Variants in NUDCD1 observed in about 807,000 individuals in gnomAD.
The protein encoded by NUDCD1 is NudC domain containing 1, also known as nudC domain-containing protein 1.
In NUDCD1, 60 loss-of-function variants were observed where a neutral mutation model predicts 67.8. The observed-to-expected ratio is 0.88, with a 90% CI of 0.72 to 1.10. NUDCD1 has a LOEUF of 1.10. Among genes scored for constraint, NUDCD1 ranks in the 50% least tolerant of loss-of-function variants. NUDCD1 has a pLI of 0.00. For missense variants in NUDCD1, 643 were observed against 695.0 expected (o/e 0.93, Z 0.84); for synonymous variants, 244 against 230.8 (o/e 1.06, Z -0.52).
rs374422259 is a variant in NUDCD1, at chr8:109,293,354, C to G, written c.630G>C (p.Lys210Asn). ...AGACTTTTGTTTTACCTTGATTTTTCTTACTGATAGTGACCCACTCCAGAG... is the reference window on the plus strand; with the variant it reads ...AGACTTTTGTTTTACCTTGATTTTTGTTACTGATAGTGACCCACTCCAGAG... ...YVSLEWVTIS[K>N]KNQDNKKYEI... Residue 210 changes from lysine to asparagine, a missense_variant, in exon 4 of 10, where the codon AAG becomes AAC. Coordinates refer to ENST00000239690, the MANE Select transcript of NUDCD1 (RefSeq NM_032869.4). 7 of 1,541,426 alleles carry G rather than the reference C, an allele frequency of 4.5e-6. No homozygotes were observed. In the African/African-American group the frequency reaches 9.9e-5, roughly 22 times the overall value.
chr8:109,328,314 C>A (rs1193092753), intron 1 of NUDCD1, among the ~76,000 whole-genome samples: 1 of 152,110 alleles, frequency 6.6e-6, no homozygotes, highest in Non-Finnish European at 1.5e-5. Flanking sequence ...TTTTCTTCCC[C>A]CTTCTCTGAA....
chr8:109,311,736 A>G (rs1054815277), intron 2 of NUDCD1, among the ~76,000 whole-genome samples: 9 of 151,904 alleles, frequency 5.9e-5, no homozygotes, highest in African/African-American at 1.9e-4. Context: ...ATGCAAAAGC[A>G]TAAGAATGAC....
chr8:109,255,156 G>A (rs1444411258), intron 8 of NUDCD1, among the ~76,000 whole-genome samples: 5 of 152,042 alleles, frequency 3.3e-5, no homozygotes, highest in South Asian at 2.1e-4. Flanking sequence ...ATTTTATAGC[G>A]ACTATTAACC....
intron 2 of NUDCD1, among the ~76,000 whole-genome samples, chr8:109,308,800 T>C (rs113956279): frequency 0.21 from 32,591 of 151,698 alleles, 5,808 homozygotes; most frequent in African/African-American, 0.49. Context: ...TGAAACCCAG[T>C]CTCTACTAAA....
chr8:109,281,042 G>A lies in NUDCD1; in HGVS notation c.954C>T (p.His318=). 1 of 1,612,100 alleles carries A rather than the reference G, an allele frequency of 6.2e-7. No homozygotes were observed. ...AATAGAGTTTTCCTTCTAAAAACTG[G>A]TGATCCTTCAGTACAATGTTGATGT... ...PDHINIVLKD[H]QFLEGKLYSS... is the part of the protein sequence containing the mutation. Residue 318 remains histidine (H), a synonymous_variant, in exon 6 of 10, where the codon CAC becomes CAT. Coordinates refer to ENST00000239690, the MANE Select transcript of NUDCD1 (RefSeq NM_032869.4).
At chr8:109,315,134 T>C (rs1815359711) in intron 2 of NUDCD1, 1 of 152,270 alleles carries the variant, frequency 6.6e-6, no homozygotes, top group East Asian at 1.9e-4. Context: ...TTTTTCCTTT[T>C]CCCTTTTTTT....
chr8:109,260,468 G>A (rs150884637), intron 8 of NUDCD1, among the ~76,000 whole-genome samples: 4 of 152,300 alleles, frequency 2.6e-5, no homozygotes, highest in African/African-American at 9.6e-5. Context: ...CCTAAAGTCT[G>A]GGATTATCGG....
chr8:109,285,458 T>C (rs1194779802), intron 5 of NUDCD1, among the ~76,000 whole-genome samples: 1 of 152,124 alleles, frequency 6.6e-6, no homozygotes, highest in Non-Finnish European at 1.5e-5. Context: ...AAAATTTAAT[T>C]GACCATGATC....
At chr8:109,317,419 G>A (rs1167295017) in intron 2 of NUDCD1, among the ~76,000 whole-genome samples, 1 of 152,088 alleles carries the variant, frequency 6.6e-6, no homozygotes, top group East Asian at 1.9e-4. Context: ...TGGCATTCTG[G>A]AATAAATGAG....
intron 5 of NUDCD1, 91 bp downstream of exon 5, chr8:109,289,660 C>T (rs1814657725): frequency 1.5e-6 from 1 of 655,026 alleles, no homozygotes; most frequent in African/African-American, 1.9e-5. Context: ...CTATCTTGCC[C>T]TTGTAGAACT....
intron 8 of NUDCD1, among the ~76,000 whole-genome samples, chr8:109,258,400 A>ATAT (rs1813786960): frequency 1.3e-5 from 2 of 152,104 alleles, no homozygotes; most frequent in South Asian, 4.1e-4. Flanking sequence ...GATAATAATA[A>ATAT]TAAACAAACT....
Position 109,242,257 on chromosome 8 carries a change from T to G in NUDCD1, c.*752A>C, listed in dbSNP as rs1813384475. ...ATTGGAGCTTGCTCTCTTAAGATGT[T>G]TTCTCTACTATGGAAAGAAGATTCG... is the stretch of plus-strand genomic sequence containing the variant. On this transcript the variant is annotated 3_prime_UTR_variant, in exon 10 of 10. Coordinates refer to ENST00000239690, the MANE Select transcript of NUDCD1 (RefSeq NM_032869.4). The G allele has an allele frequency of 2.5e-6, 1 of 396,170 alleles. No individual in the cohort carries two copies. The highest frequency in any genetic ancestry group is 4.5e-6 in the Non-Finnish European group (1 of 224,544). 24.5% of individuals were successfully genotyped at this position (396,170 alleles called of 1,614,324 possible).
At chr8:109,325,628 C>T in intron 1 of NUDCD1, among the ~76,000 whole-genome samples, 1 of 152,218 alleles carries the variant, frequency 6.6e-6, no homozygotes, top group East Asian at 1.9e-4. Context: ...GAAGGCCACA[C>T]TGGCCGAAAT....
intron 7 of NUDCD1, 121 bp downstream of exon 7, chr8:109,275,231 G>T: frequency 1.2e-6 from 1 of 803,752 alleles, no homozygotes. Flanking sequence ...CAGATCAGTA[G>T]TATCTGATAT....
At chr8:109,258,621 C>A (rs1813793105) in intron 8 of NUDCD1, among the ~76,000 whole-genome samples, 1 of 151,860 alleles carries the variant, frequency 6.6e-6, no homozygotes, top group South Asian at 2.1e-4. Context: ...AATTAAATAT[C>A]CTAGCTAAAA....
intron 6 of NUDCD1, among the ~76,000 whole-genome samples, chr8:109,278,689 A>G (rs1366512631): frequency 6.6e-6 from 1 of 152,140 alleles, no homozygotes; most frequent in Non-Finnish European, 1.5e-5. Flanking sequence ...TTCACTCCAC[A>G]TGTTTTTAAT....
At chr8:109,263,937 G>A (rs965499592) in intron 8 of NUDCD1, among the ~76,000 whole-genome samples, 2 of 152,100 alleles carry the variant, frequency 1.3e-5, no homozygotes, top group Admixed American at 6.5e-5. Context: ...TCACTGCCAC[G>A]TACTCACTGT....
intron 2 of NUDCD1, 38 bp downstream of exon 2, chr8:109,322,271 C>A: frequency 8.7e-7 from 1 of 1,151,678 alleles, no homozygotes; most frequent in Non-Finnish European, 1.2e-6. Flanking sequence ...CTTGATATTA[C>A]ATACATATAT....
At position 109,333,959 on chromosome 8, in the gene NUDCD1, G is replaced by T. The variant is rs1041041033; in HGVS notation, c.52C>A (p.Pro18Thr). ...GAGAGCTTGTAACCCTCGAAGCGGG[G>T]ATCCAACAGAGGTCTCTTCACCCGT... Reference protein sequence around the residue: ...SLRVKRPLLDPRFEGYKLSLE... With the variant: ...SLRVKRPLLDTRFEGYKLSLE... The change falls in exon 1 of 10, where the codon CCC becomes ACC. Residue 18 changes from proline (P) to threonine (T), a missense_variant. Pro to Thr is a conservative substitution (Grantham distance 38). Coordinates refer to ENST00000239690, the MANE Select transcript of NUDCD1 (RefSeq NM_032869.4). 1 of 1,614,084 alleles carries T rather than the reference G, an allele frequency of 6.2e-7. No homozygotes were observed. The highest frequency in any genetic ancestry group is 8.5e-7 in the Non-Finnish European group (1 of 1,179,904).
Sources: gnomAD v4.1 joint callset for allele counts (sites outside exome capture counted in the v4.1 genomes callset) on GRCh38, gnomAD v4.1.1 for gene constraint, MANE v1.5 for transcripts, NCBI Gene and HGNC (gene_info 2026-07-23, HGNC 2026-07-21) for gene names.